PGM2L1: variants seen among roughly 807,000 people sequenced by gnomAD.
PGM2L1 encodes phosphoglucomutase 2 like 1.
In PGM2L1, 35 loss-of-function variants were observed where a neutral mutation model predicts 73.4. The ratio of observed to expected loss-of-function variants is 0.48; its 90% CI spans 0.36 to 0.63. The LOEUF (loss-of-function observed/expected upper bound fraction) is 0.63. Ranked by LOEUF, PGM2L1 falls within the 30% of genes least tolerant of loss-of-function variation. The probability of loss-of-function intolerance (pLI) is 0.00; values close to 1 mark genes in which losing one functional copy is unlikely to be tolerated. For synonymous variants in PGM2L1, 225 were observed against 253.8 expected (o/e 0.89, Z 1.08); for missense variants, 570 against 742.0 (o/e 0.77, Z 2.69).
At chr11:74,354,364 A>C in intron 5 of PGM2L1, 3 of 538,150 alleles carry the variant, frequency 5.6e-6, no homozygotes, top group Non-Finnish European at 9.9e-6. Context: ...GTTTAAAAAA[A>C]CGTTTAGGTC....
Position 74,343,271 on chromosome 11 carries a change from C to T in PGM2L1, c.1312+52G>A. On this transcript the variant is annotated intron_variant, in intron 10 of 13. Coordinates refer to ENST00000298198, the MANE Select transcript of PGM2L1 (RefSeq NM_173582.6). ...ACAAAAAACTCCTCCTACAGAATTA[C>T]ATTTTAAAAATTATCAATCAAATTT... 3.3e-6 allele frequency: 5 copies of T among 1,521,060 alleles called. No homozygotes were observed. In the South Asian group the frequency reaches 6.5e-5, roughly 20 times the overall value. The allele number at this position is 1,521,060 out of a possible 1,614,324, so 94.2% of individuals were successfully genotyped here.
chr11:74,364,275 C>A (rs965021768), intron 5 of PGM2L1, among the ~76,000 whole-genome samples: 9 of 152,222 alleles, frequency 5.9e-5, no homozygotes, highest in Admixed American at 3.3e-4. Flanking sequence ...ATGGGCAAAA[C>A]CTGGAAGCAT....
In PGM2L1 at chr11:74,391,397, G is replaced by C. The variant is rs1481529136; in HGVS notation, c.111+6654C>G. ...GGATCAGTACACTATTTTCATCTAG[G>C]ATTTCTTTACATTGGATTTCTGGGG... On this transcript the variant is annotated intron_variant, in intron 1 of 13. Transcript: ENST00000298198. 2.6e-4 allele frequency among the ~76,000 whole-genome samples: 40 copies of C among 151,554 alleles called. 1 individual carries two copies. The highest frequency in any genetic ancestry group is 1.5e-5 in the Non-Finnish European group (1 of 67,896).
chr11:74,369,575 C>T (rs1240654488), intron 4 of PGM2L1, among the ~76,000 whole-genome samples: 1 of 152,110 alleles, frequency 6.6e-6, no homozygotes, highest in African/African-American at 2.4e-5. Flanking sequence ...TAAAGGAACT[C>T]CCAGAGATAT....
intron 5 of PGM2L1, among the ~76,000 whole-genome samples, chr11:74,360,286 G>GGA (rs1356603764): frequency 0.011 from 1,073 of 99,150 alleles, 7 homozygotes; most frequent in Middle Eastern, 0.027. Context: ...GGAAGGAAGG[G>GGA]AGGGAGGTAG....
chr11:74,350,463 T>C (rs563478395), intron 6 of PGM2L1, among the ~76,000 whole-genome samples: 5 of 152,318 alleles, frequency 3.3e-5, no homozygotes, highest in Non-Finnish European at 7.4e-5. Context: ...TTTTTTGAGA[T>C]ATAATTCACA....
chr11:74,385,886 T>G (rs1863011255), intron 1 of PGM2L1, among the ~76,000 whole-genome samples: 2 of 152,130 alleles, frequency 1.3e-5, no homozygotes, highest in Non-Finnish European at 2.9e-5. Context: ...CTGTATCATG[T>G]ATATGTCATC....
intron 1 of PGM2L1, among the ~76,000 whole-genome samples, chr11:74,395,974 G>A (rs1565447963): frequency 6.6e-6 from 1 of 152,004 alleles, no homozygotes; most frequent in South Asian, 2.1e-4. Context: ...TTCAGGGGCC[G>A]GGTGTGGTGG....
At chr11:74,392,672 G>A (rs1027260617) in intron 1 of PGM2L1, among the ~76,000 whole-genome samples, 2 of 152,072 alleles carry the variant, frequency 1.3e-5, no homozygotes, top group Non-Finnish European at 2.9e-5. Flanking sequence ...CTCCCGAGTA[G>A]CTGGGACTAC....
chr11:74,349,758 CT>C (rs775367030), intron 6 of PGM2L1, among the ~76,000 whole-genome samples: 44 of 152,064 alleles, frequency 2.9e-4, no homozygotes, highest in Non-Finnish European at 5.0e-4. Context: ...TTTACATTCA[CT>C]TCTCTTAAAC....
intron 5 of PGM2L1, among the ~76,000 whole-genome samples, chr11:74,354,208 A>G (rs923345054): frequency 1.1e-4 from 16 of 152,120 alleles, no homozygotes; most frequent in Middle Eastern, 3.2e-3. Context: ...GTTACGTGAG[A>G]AAAATGAACT....
At chr11:74,392,223 T>C (rs1261361646) in intron 1 of PGM2L1, among the ~76,000 whole-genome samples, 1 of 152,202 alleles carries the variant, frequency 6.6e-6, no homozygotes, top group Admixed American at 6.5e-5. Flanking sequence ...TTAGGATCAT[T>C]GTTTTCCATT....
At chr11:74,383,842 T>TATA (rs1484974192) in intron 1 of PGM2L1, among the ~76,000 whole-genome samples, 2 of 146,794 alleles carry the variant, frequency 1.4e-5, no homozygotes, top group African/African-American at 5.0e-5. Context: ...TATATATATA[T>TATA]AACATTTTCT....
chr11:74,360,529 T>G (rs955493889), intron 5 of PGM2L1, among the ~76,000 whole-genome samples: 2 of 152,098 alleles, frequency 1.3e-5, no homozygotes, highest in African/African-American at 4.8e-5. Flanking sequence ...GGTACCGGGT[T>G]CATCTCACTG....
chr11:74,338,541 C>G lies in PGM2L1; in HGVS notation c.1693G>C (p.Ala565Pro). Residue 565 changes from alanine to proline, a missense_variant, in exon 13 of 14, where the codon GCT becomes CCT. Transcript: ENST00000298198. ...ITFTFQNGCV[A>P]TLRTSGTEPK... ...TCTGTTCCACTTGTCCGAAGGGTAG[C>G]AACACAGCCATTTTGAAAAGTAAAT... 6.2e-7 allele frequency: 1 copy of G among 1,606,672 alleles called. No homozygotes were observed. The highest frequency in any genetic ancestry group is 8.5e-7 in the Non-Finnish European group (1 of 1,174,462).
intron 1 of PGM2L1, among the ~76,000 whole-genome samples, chr11:74,389,816 G>A (rs969954716): frequency 6.0e-5 from 9 of 149,862 alleles, no homozygotes; most frequent in Non-Finnish European, 1.2e-4. Context: ...AAAACTTGAA[G>A]GAACTGGCCG....
chr11:74,351,182 C>T (rs536611297), intron 6 of PGM2L1, among the ~76,000 whole-genome samples: 1 of 152,288 alleles, frequency 6.6e-6, no homozygotes, highest in Admixed American at 6.5e-5. Context: ...AATAATATTT[C>T]ATTGTATGGA....
chr11:74,384,350 C>T (rs1862991386), intron 1 of PGM2L1, among the ~76,000 whole-genome samples: 1 of 151,768 alleles, frequency 6.6e-6, no homozygotes, highest in Non-Finnish European at 1.5e-5. Context: ...ATTTTTTTAA[C>T]TTATGAGATT....
At chr11:74,386,023 A>C (rs1000033753) in intron 1 of PGM2L1, among the ~76,000 whole-genome samples, 1 of 152,220 alleles carries the variant, frequency 6.6e-6, no homozygotes, top group Non-Finnish European at 1.5e-5. Context: ...ATGGTTAAAT[A>C]TGATATATTT....
Sources: allele counts gnomAD v4.1 joint callset (sites outside exome capture counted in the v4.1 genomes callset), GRCh38; gene constraint gnomAD v4.1.1; transcripts MANE v1.5; gene names NCBI Gene and HGNC (gene_info 2026-07-23, HGNC 2026-07-21).